PRELID3A: variants seen among roughly 807,000 people sequenced by gnomAD.
The protein encoded by PRELID3A is PRELI domain containing 3A, also known as PRELI domain containing protein 3A.
A neutral mutation model predicts 23.0 loss-of-function variants in PRELID3A; 27 were observed. The observed-to-expected ratio is 1.17, with a 90% CI of 0.87 to 1.62. The LOEUF is 1.62. Among genes scored for constraint, PRELID3A ranks in the 40% most tolerant of loss-of-function variants. The pLI, the probability that PRELID3A is intolerant of heterozygous loss-of-function variation, is 0.00. For synonymous variants in PRELID3A, 87 were observed against 86.4 expected (o/e 1.01, Z -0.04); for missense variants, 231 against 231.4 (o/e 1.00, Z 0.01).
chr18:12,427,673 C>T (rs1261650157), intron 5 of PRELID3A, among the ~76,000 whole-genome samples: 1 of 150,620 alleles, frequency 6.6e-6, no homozygotes, highest in South Asian at 2.1e-4. Flanking sequence ...GCCTGGGTAA[C>T]AGAATGAGAC....
intron 3 of PRELID3A, among the ~76,000 whole-genome samples, chr18:12,424,556 A>C (rs1156271970): frequency 1.3e-5 from 2 of 152,112 alleles, no homozygotes; most frequent in Admixed American, 6.6e-5. Context: ...TACACGTGAG[A>C]CTCTTGATAA....
At chr18:12,429,233 T>A (rs557576638) in intron 5 of PRELID3A, 117 bp from the exon 6 acceptor site, 1 of 800,774 alleles carries the variant, frequency 1.2e-6, no homozygotes, top group East Asian at 2.5e-5. Context: ...GTCACTGCTG[T>A]GTCTCCTTGT....
chr18:12,408,520 G>A (rs1233838118), intron 1 of PRELID3A, among the ~76,000 whole-genome samples: 2 of 152,188 alleles, frequency 1.3e-5, no homozygotes, highest in East Asian at 1.9e-4. Context: ...AGGCATTTCG[G>A]GGGCCCTGGC....
At chr18:12,429,852 C>G (rs888980590) in intron 6 of PRELID3A, among the ~76,000 whole-genome samples, 1 of 152,264 alleles carries the variant, frequency 6.6e-6, no homozygotes, top group Non-Finnish European at 1.5e-5. Context: ...TCACTTGCCC[C>G]AAGCCAGTAC....
intron 6 of PRELID3A, among the ~76,000 whole-genome samples, chr18:12,429,755 G>A (rs1057210081): frequency 4.6e-5 from 7 of 152,252 alleles, no homozygotes; most frequent in South Asian, 4.1e-4. Flanking sequence ...CAGAGTTGGC[G>A]CGAGTGGCCA....
In PRELID3A at chr18:12,425,012, G is replaced by A. The variant is rs191448023; in HGVS notation, c.292-2029G>A. The stretch of plus-strand genomic sequence containing the variant: ...ACAAAAATTAGCCGGGCATGGTGGC[G>A]GGTGCCTGTAGTCCCAGCTACTCTG... On this transcript the variant is annotated intron_variant, in intron 3 of 6. Transcript: ENST00000440960. Among the ~76,000 whole-genome samples the A allele has an allele frequency of 4.3e-4, 66 of 152,088 alleles. No homozygotes were observed. The South Asian group carries it at 4.6e-3, about 11-fold the overall frequency.
At chr18:12,418,996 C>A (rs1381081690) in intron 1 of PRELID3A, among the ~76,000 whole-genome samples, 1 of 152,124 alleles carries the variant, frequency 6.6e-6, no homozygotes, top group Non-Finnish European at 1.5e-5. Context: ...CGACATCAAC[C>A]TGGCAACATA....
Position 12,407,938 on chromosome 18 carries a change from G to C in PRELID3A, c.-38G>C, listed in dbSNP as rs762427691. The C allele has an allele frequency of 7.0e-6, 9 of 1,287,996 alleles. No individual in the cohort carries two copies. Among genetic ancestry groups the C allele is most frequent in the African/African-American group, 6.2e-5 (4 of 64,330 alleles). 79.8% of individuals were successfully genotyped at this position (1,287,996 alleles called of 1,614,324 possible). On this transcript the variant is annotated 5_prime_UTR_variant, in exon 1 of 7. Coordinates refer to ENST00000440960, the MANE Select transcript of PRELID3A (RefSeq NM_001142405.2). ...CGGAGCCGCGCGGCCCGAAGCACCCGGCCCGGATCGCAGAGCCCGCGCCCT... is the reference window on the plus strand; with the variant it reads ...CGGAGCCGCGCGGCCCGAAGCACCCCGCCCGGATCGCAGAGCCCGCGCCCT...
At chr18:12,409,800 G>A (rs1909852055) in intron 1 of PRELID3A, among the ~76,000 whole-genome samples, 1 of 152,164 alleles carries the variant, frequency 6.6e-6, no homozygotes, top group Non-Finnish European at 1.5e-5. Flanking sequence ...TGATGCTTTT[G>A]AAAATTGTTG....
intron 1 of PRELID3A, among the ~76,000 whole-genome samples, chr18:12,414,849 G>T (rs16977185): frequency 6.6e-6 from 1 of 151,926 alleles, no homozygotes; most frequent in Non-Finnish European, 1.5e-5. Flanking sequence ...CAAATGCTAA[G>T]GAGCAGCTGA....
intron 1 of PRELID3A, 129 bp downstream of exon 1, chr18:12,408,136 C>G: frequency 1.1e-6 from 1 of 878,984 alleles, no homozygotes; most frequent in Non-Finnish European, 1.5e-6. Context: ...CCCGCGCCGG[C>G]CGTTCCCAGA....
Position 12,420,470 on chromosome 18 carries a change from G to A in PRELID3A, c.178G>A (p.Gly60Arg), listed in dbSNP as rs566867252. 9 of 1,555,084 alleles carry A rather than the reference G, an allele frequency of 5.8e-6. No homozygotes were observed. The South Asian group carries it at 9.5e-5, about 16-fold the overall frequency. Residue 60 changes from glycine to arginine, a missense_variant, in exon 2 of 7, where the codon GGG becomes AGG. Gly to Arg is a moderately radical substitution (Grantham distance 125). Transcript: ENST00000440960. ...HSLRLLSTEW[G>R]LPSLVRAILG... ...CTTGCGCCTGCTCAGCACCGAGTGG[G>A]GGCTGCCCAGCCTCGTGAGAGCGGT... is the stretch of plus-strand genomic sequence containing the variant.
chr18:12,417,977 C>T (rs1049940041), intron 1 of PRELID3A, among the ~76,000 whole-genome samples: 2 of 152,128 alleles, frequency 1.3e-5, no homozygotes, highest in South Asian at 2.1e-4. Flanking sequence ...TAGAGGCCAC[C>T]GAATGTAATA....
chr18:12,409,327 C>T lies in PRELID3A; in HGVS notation c.32+1320C>T, dbSNP rs987523685. Among the ~76,000 whole-genome samples, 6 of 151,802 alleles carry T rather than the reference C, an allele frequency of 4.0e-5. No homozygotes were observed. In the South Asian group the frequency reaches 1.0e-3, roughly 26 times the overall value. ...GACTACAGGTGTGGGCCATCACGCC[C>T]GGCTAATTTTTGTATTTTTAGTAGA... On this transcript the variant is annotated intron_variant, in intron 1 of 6. Transcript: ENST00000440960.
At chr18:12,421,442 T>C in intron 2 of PRELID3A, 98 bp from the exon 3 acceptor site, 2 of 803,058 alleles carry the variant, frequency 2.5e-6, no homozygotes, top group Non-Finnish European at 4.3e-6. Context: ...ATATCATTTC[T>C]TGAATAGTGA....
In PRELID3A at chr18:12,432,132, C is replaced by G. The variant is rs904387455; in HGVS notation, c.*1016C>G. On this transcript the variant is annotated 3_prime_UTR_variant, in exon 7 of 7. Transcript: ENST00000440960. ...AGGCCTCCCGCAAGCTGCCAGTCGG[C>G]TCTTTTTCGCAAAGCCTTCCAGAAG... 1.3e-5 allele frequency: 2 copies of G among 152,258 alleles called. No homozygotes were observed. Among genetic ancestry groups the G allele is most frequent in the Non-Finnish European group, 2.9e-5 (2 of 68,056 alleles). 9.4% of individuals were successfully genotyped at this position (152,258 alleles called of 1,614,324 possible). A position where few individuals can be genotyped will look rare whatever the true frequency, so the allele number is the denominator to read the frequency against.
intron 1 of PRELID3A, chr18:12,420,072 T>G (rs1366768005): frequency 7.4e-7 from 1 of 1,355,016 alleles, no homozygotes; most frequent in East Asian, 2.7e-5. Context: ...ACTGCATTCC[T>G]GCCTGCTGGG....
intron 1 of PRELID3A, 49 bp downstream of exon 1, chr18:12,408,056 T>C: frequency 8.1e-7 from 1 of 1,237,950 alleles, no homozygotes; most frequent in Non-Finnish European, 1.0e-6. Flanking sequence ...CGCCGGCTCC[T>C]GCTCCCGAGC....
intron 1 of PRELID3A, among the ~76,000 whole-genome samples, chr18:12,414,740 C>A (rs963812927): frequency 3.3e-5 from 5 of 151,806 alleles, no homozygotes; most frequent in East Asian, 1.9e-4. Flanking sequence ...TCCCCCCACC[C>A]CTCCACCCCC....
Sources: gnomAD v4.1 joint callset for allele counts (sites outside exome capture counted in the v4.1 genomes callset) on GRCh38, gnomAD v4.1.1 for gene constraint, MANE v1.5 for transcripts, NCBI Gene and HGNC (gene_info 2026-07-23, HGNC 2026-07-21) for gene names.